Variants in PLCL1 observed in about 807,000 individuals in gnomAD.
The protein encoded by PLCL1 is inactive phospholipase C-like protein 1.
A neutral mutation model predicts 84.4 loss-of-function variants in PLCL1; 41 were observed. That is an observed-to-expected ratio of 0.49 (90% confidence interval 0.38 to 0.63). The LOEUF (loss-of-function observed/expected upper bound fraction) is 0.63. Among genes scored for constraint, PLCL1 ranks in the 30% least tolerant of loss-of-function variants. PLCL1 has a pLI of 0.00. For synonymous variants in PLCL1, 490 were observed against 488.3 expected (o/e 1.00, Z -0.05); for missense variants, 1,206 against 1,367.8 (o/e 0.88, Z 1.87).
At chr2:198,035,580 G>A (rs1691536951) in intron 1 of PLCL1, among the ~76,000 whole-genome samples, 1 of 152,092 alleles carries the variant, frequency 6.6e-6, no homozygotes, top group Non-Finnish European at 1.5e-5. Context: ...AGCTCCAAGG[G>A]GCTCCTACTA....
rs1692665897 is a variant in PLCL1, at chr2:198,079,845, A to T, written c.241-3913A>T. 2.0e-5 allele frequency among the ~76,000 whole-genome samples: 3 copies of T among 152,350 alleles called. 1 individual carries two copies. In the South Asian group the frequency reaches 6.2e-4, roughly 32 times the overall value. On this transcript the variant is annotated intron_variant, in intron 1 of 5. Transcript: ENST00000428675. Reference sequence around the variant, plus strand: ...AAAGGATTGAATTCAATGTCTGACTAATTATTGGACTCAACTACAATATGA... The same window carrying T: ...AAAGGATTGAATTCAATGTCTGACTTATTATTGGACTCAACTACAATATGA...
intron 1 of PLCL1, among the ~76,000 whole-genome samples, chr2:198,062,851 G>T (rs186732081): frequency 6.6e-6 from 1 of 152,318 alleles, no homozygotes; most frequent in African/African-American, 2.4e-5. Flanking sequence ...AATCAGGTAA[G>T]TTTGGGACCA....
intron 1 of PLCL1, among the ~76,000 whole-genome samples, chr2:197,889,933 C>T (rs1220326276): frequency 1.3e-5 from 2 of 152,118 alleles, no homozygotes; most frequent in African/African-American, 4.8e-5. Context: ...AGAGATATCC[C>T]TCCACCTCCC....
chr2:197,831,842 T>A (rs894268396), intron 1 of PLCL1, among the ~76,000 whole-genome samples: 2 of 152,094 alleles, frequency 1.3e-5, no homozygotes, highest in Non-Finnish European at 2.9e-5. Flanking sequence ...TGCAATCAAA[T>A]TAGAACTCAT....
intron 1 of PLCL1, among the ~76,000 whole-genome samples, chr2:197,933,129 A>C (rs1238112515): frequency 6.6e-6 from 1 of 152,236 alleles, no homozygotes; most frequent in African/African-American, 2.4e-5. Flanking sequence ...TGTGGTGGGC[A>C]CTATATCCTA....
chr2:197,879,540 T>C (rs1247491536), intron 1 of PLCL1, among the ~76,000 whole-genome samples: 1 of 152,152 alleles, frequency 6.6e-6, no homozygotes, highest in African/African-American at 2.4e-5. Flanking sequence ...AAAGGCATTA[T>C]GGTATATGTA....
intron 1 of PLCL1, among the ~76,000 whole-genome samples, chr2:197,864,011 G>A (rs192756013): frequency 1.3e-3 from 196 of 152,226 alleles, no homozygotes; most frequent in Non-Finnish European, 2.3e-3. Flanking sequence ...TTTTCTAGCA[G>A]AGTATTTAGT....
At chr2:198,024,807 T>C (rs1691226199) in intron 1 of PLCL1, among the ~76,000 whole-genome samples, 1 of 152,070 alleles carries the variant, frequency 6.6e-6, no homozygotes, top group Non-Finnish European at 1.5e-5. Context: ...TTTTTTGCAT[T>C]AGTGTCTTTT....
chr2:198,043,428 G>A (rs1464309158), intron 1 of PLCL1, among the ~76,000 whole-genome samples: 1 of 152,178 alleles, frequency 6.6e-6, no homozygotes, highest in Non-Finnish European at 1.5e-5. Flanking sequence ...CCTGTGTTAG[G>A]AGCTGGTCTA....
At chr2:198,052,494 ACT>A (rs546136996) in intron 1 of PLCL1, among the ~76,000 whole-genome samples, 23 of 150,904 alleles carry the variant, frequency 1.5e-4, no homozygotes, top group Non-Finnish European at 2.9e-4. Context: ...GTATGAGTTC[ACT>A]CTGTTTTGTC....
At chr2:197,894,388 A>G (rs1458151762) in intron 1 of PLCL1, among the ~76,000 whole-genome samples, 1 of 151,920 alleles carries the variant, frequency 6.6e-6, no homozygotes, top group Non-Finnish European at 1.5e-5. Context: ...GAATTTTGTG[A>G]TTATTGCTTC....
intron 5 of PLCL1, among the ~76,000 whole-genome samples, chr2:198,104,841 G>T (rs1194010679): frequency 1.3e-5 from 2 of 151,994 alleles, no homozygotes; most frequent in Non-Finnish European, 1.5e-5. Context: ...TTTGAAAAGT[G>T]TCTGTTCACG....
intron 1 of PLCL1, among the ~76,000 whole-genome samples, chr2:198,015,010 G>A (rs1016927545): frequency 2.6e-5 from 4 of 152,024 alleles, no homozygotes; most frequent in African/African-American, 7.2e-5. Flanking sequence ...GAGTCAATTT[G>A]TTTTAATGTT....
Position 197,866,036 on chromosome 2 carries a change from A to AATATAT in PLCL1, c.240+60709_240+60714dup, listed in dbSNP as rs1553497670. 1.1e-4 allele frequency among the ~76,000 whole-genome samples: 3 copies of AATATAT among 28,252 alleles called. 1 individual carries two copies. In the African/African-American group the frequency reaches 1.1e-3, roughly 11 times the overall value. The allele number at this position is 28,252 out of a possible 152,430, so 18.5% of individuals were successfully genotyped here. ...AAAAAAAAAAAAAAAAAAAAAAAAA[A>AATATAT]ATATATATATATATATACACACACA... On this transcript the variant is annotated intron_variant, in intron 1 of 5. Coordinates refer to ENST00000428675, the MANE Select transcript of PLCL1 (RefSeq NM_006226.4).
chr2:197,879,928 T>C (rs1687800708), intron 1 of PLCL1, among the ~76,000 whole-genome samples: 1 of 152,138 alleles, frequency 6.6e-6, no homozygotes, highest in Non-Finnish European at 1.5e-5. Context: ...GTATTTAATG[T>C]CCAAAAGAGA....
rs1038793543 is a variant in PLCL1 at position 198,148,884 on chromosome 2, A to G, written c.*1922A>G. ...TATACATTTATTTACTCCAGGGTCA[A>G]ATCCAATCCTTGGAAGTAGCTTCTC... On this transcript the variant is annotated 3_prime_UTR_variant, in exon 6 of 6. Transcript: ENST00000428675. 3 of 152,354 alleles carry G rather than the reference A, an allele frequency of 2.0e-5. No individual in the cohort carries two copies. The highest frequency in any genetic ancestry group is 7.2e-5 in the African/African-American group (3 of 41,456). The allele number at this position is 152,354 out of a possible 1,614,324, so 9.4% of individuals were successfully genotyped here.
chr2:198,078,690 A>G (rs1417994757), intron 1 of PLCL1, among the ~76,000 whole-genome samples: 1 of 152,142 alleles, frequency 6.6e-6, no homozygotes, highest in East Asian at 1.9e-4. Context: ...TGTTCTAACA[A>G]AGAATCATTT....
At chr2:198,093,867 A>G (rs1237951951) in intron 3 of PLCL1, among the ~76,000 whole-genome samples, 4 of 152,170 alleles carry the variant, frequency 2.6e-5, no homozygotes, top group Admixed American at 2.6e-4. Flanking sequence ...AAGGGAAAAT[A>G]AAATAAAATA....
chr2:197,819,523 A>G (rs1690764227), intron 1 of PLCL1, among the ~76,000 whole-genome samples: 1 of 152,082 alleles, frequency 6.6e-6, no homozygotes, highest in South Asian at 2.1e-4. Flanking sequence ...ACAACTTGAG[A>G]CTGCTTACTT....
Sources: allele counts gnomAD v4.1 joint callset (sites outside exome capture counted in the v4.1 genomes callset), GRCh38; gene constraint gnomAD v4.1.1; transcripts MANE v1.5; gene names NCBI Gene and HGNC (gene_info 2026-07-23, HGNC 2026-07-21).